The following ZBTB37 variants were observed in gnomAD, a reference collection of about 807,000 sequenced individuals.
The protein encoded by ZBTB37 is zinc finger and BTB domain containing 37.
In ZBTB37, 15 loss-of-function variants were observed where a neutral mutation model predicts 37.7. The observed-to-expected ratio is 0.40, with a 90% CI of 0.27 to 0.61. The LOEUF is 0.61. Among genes scored for constraint, ZBTB37 ranks in the 20% least tolerant of loss-of-function variants. The pLI is 0.44. For synonymous variants in ZBTB37, 231 were observed against 220.6 expected, an observed-to-expected ratio of 1.05 and a Z score of -0.42; for missense variants, 514 against 641.9, an observed-to-expected ratio of 0.80 and a Z score of 2.15.
chr1:173,881,979 G>T (rs1656338807), intron 4 of ZBTB37, among the ~76,000 whole-genome samples: 1 of 151,538 alleles, frequency 6.6e-6, no homozygotes, highest in African/African-American at 2.4e-5. Flanking sequence ...GCGTGAACCC[G>T]GGAGGCAGAG....
exon 4 of ZBTB37, chr1:173,891,673 A>T (rs1225620684): frequency 6.6e-6 from 1 of 152,128 alleles, no homozygotes; most frequent in Non-Finnish European, 1.5e-5. Context: ...GACACCTATA[A>T]TCCCAGCTAC....
At chr1:173,900,075 A>G (rs1336104042) in exon 4 of ZBTB37, 1 of 152,192 alleles carries the variant, frequency 6.6e-6, no homozygotes, top group Non-Finnish European at 1.5e-5. Context: ...AGCAATTTCT[A>G]TTTGTAAAAT....
intron 3 of ZBTB37, among the ~76,000 whole-genome samples, chr1:173,871,367 G>C (rs1372984012): frequency 6.6e-6 from 1 of 152,224 alleles, no homozygotes; most frequent in Non-Finnish European, 1.5e-5. Context: ...GAGAACTGTG[G>C]TAAAGTTAGA....
At chr1:173,902,786 G>A (rs939744235) in exon 4 of ZBTB37, 4 of 152,142 alleles carry the variant, frequency 2.6e-5, no homozygotes, top group Non-Finnish European at 5.9e-5. Flanking sequence ...CAGGAGGAGA[G>A]TTAAGGAGGG....
downstream of ZBTB37, chr1:173,890,997 T>C (rs952170181): frequency 1.3e-5 from 2 of 152,234 alleles, no homozygotes; most frequent in Non-Finnish European, 2.9e-5. Flanking sequence ...TTGTCACATA[T>C]ACATGTTTTC....
exon 3 of ZBTB37, chr1:173,871,129 A>G (rs1655534362): frequency 1.9e-6 from 3 of 1,605,156 alleles, no homozygotes; most frequent in South Asian, 1.1e-5. Context: ...GGCTCGGCCA[A>G]CAAGCAGTGA....
In ZBTB37 at chr1:173,872,013, A is replaced by ATCAT. The variant is rs1320915295; in HGVS notation, c.923+868_923+869insTTCA. ...TACTTTGGTCTTGAGAAACAAATGT[A>ATCAT]TCACAGAGATTCAGTTAGTGTATAC... On this transcript the variant is annotated intron_variant, in intron 3 of 4. Transcript: ENST00000427304. Among the ~76,000 whole-genome samples the ATCAT allele has an allele frequency of 7.9e-5, 12 of 152,264 alleles. No individual in the cohort carries two copies. In the East Asian group the frequency reaches 1.7e-3, roughly 22 times the overall value.
chr1:173,877,742 T>C (rs1007115531), intron 4 of ZBTB37, among the ~76,000 whole-genome samples: 2 of 152,128 alleles, frequency 1.3e-5, no homozygotes, highest in African/African-American at 4.8e-5. Context: ...GGGTAATATA[T>C]ATGCCTTAAT....
chr1:173,880,633 A>G (rs1656242828), intron 4 of ZBTB37, among the ~76,000 whole-genome samples: 1 of 152,246 alleles, frequency 6.6e-6, no homozygotes, highest in South Asian at 2.1e-4. Flanking sequence ...TTGTCAAGTG[A>G]GAGGAATGAA....
intron 4 of ZBTB37, among the ~76,000 whole-genome samples, chr1:173,883,974 G>C (rs77754644): frequency 0.062 from 9,429 of 152,064 alleles, 1,025 homozygotes; most frequent in African/African-American, 0.21. Context: ...TCTTCTCTTT[G>C]CATTGGTACT....
chr1:173,868,260 GGA>G (rs1655127453), upstream of ZBTB37: 2 of 153,092 alleles, frequency 1.3e-5, no homozygotes, highest in African/African-American at 2.4e-5. Context: ...CGCGAGGCAA[GGA>G]AAGCTCTGGG....
chr1:173,880,546 C>T (rs1656236566), intron 4 of ZBTB37, among the ~76,000 whole-genome samples: 1 of 152,150 alleles, frequency 6.6e-6, no homozygotes, highest in Non-Finnish European at 1.5e-5. Context: ...TTGAACCAAG[C>T]ACTGATCAAA....
At chr1:173,896,673 CTGAG>C (rs889642684) in exon 4 of ZBTB37, 15 of 152,302 alleles carry the variant, frequency 9.8e-5, no homozygotes, top group African/African-American at 3.6e-4. Context: ...ATACAACAAC[CTGAG>C]TGAGTAGAAA....
intron 4 of ZBTB37, among the ~76,000 whole-genome samples, chr1:173,882,905 A>G (rs1433177292): frequency 1.3e-5 from 2 of 152,190 alleles, no homozygotes; most frequent in African/African-American, 4.8e-5. Context: ...ATGAATTTGT[A>G]ATGTTTAATA....
At chr1:173,898,952 T>A (rs1343069899) in exon 4 of ZBTB37, 1 of 152,128 alleles carries the variant, frequency 6.6e-6, no homozygotes, top group Admixed American at 6.6e-5. Context: ...AATGAGAGAG[T>A]GACCCATTTT....
intron 3 of ZBTB37, among the ~76,000 whole-genome samples, chr1:173,871,549 C>G (rs1207797670): frequency 6.6e-6 from 1 of 152,216 alleles, no homozygotes; most frequent in Non-Finnish European, 1.5e-5. Context: ...GTCTCACTTT[C>G]CTTTGTAGCA....
exon 3 of ZBTB37, chr1:173,870,725 A>T: frequency 6.2e-7 from 1 of 1,614,206 alleles, no homozygotes; most frequent in South Asian, 1.1e-5. Flanking sequence ...AGCCCACGAC[A>T]TAATACCCCA....
chr1:173,881,214 C>T (rs1214501773), intron 4 of ZBTB37, among the ~76,000 whole-genome samples: 1 of 151,260 alleles, frequency 6.6e-6, no homozygotes, highest in African/African-American at 2.4e-5. Flanking sequence ...GTTTGGTTTT[C>T]CGTCCTTGTG....
chr1:173,876,132 T>G (rs948356705), intron 4 of ZBTB37, among the ~76,000 whole-genome samples: 1 of 152,176 alleles, frequency 6.6e-6, no homozygotes. Context: ...CATTTTTTTT[T>G]TCTCACAGGT....
Sources: allele counts gnomAD v4.1 joint callset (sites outside exome capture counted in the v4.1 genomes callset), GRCh38; gene constraint gnomAD v4.1.1; transcripts MANE v1.5; gene names NCBI Gene and HGNC (gene_info 2026-07-23, HGNC 2026-07-21).